Variants in OTUD7B observed in about 807,000 individuals in gnomAD.
OTUD7B encodes OTU deubiquitinase 7B, also known as OTU domain-containing protein 7B.
OTUD7B carries 34 observed loss-of-function variants against 82.2 expected under a neutral mutation model. The ratio of observed to expected loss-of-function variants is 0.41; its 90% CI spans 0.31 to 0.55. The LOEUF is 0.55. Ranked by LOEUF, OTUD7B falls within the 20% of genes least tolerant of loss-of-function variation. The pLI is 0.20. For synonymous variants in OTUD7B, 398 were observed against 402.7 expected, an observed-to-expected ratio of 0.99 and a Z score of 0.14; for missense variants, 944 against 1,062.1, an observed-to-expected ratio of 0.89 and a Z score of 1.55.
the OTUD7B span, among the ~76,000 whole-genome samples, chr1:150,017,066 A>G: frequency 6.6e-6 from 1 of 152,242 alleles, no homozygotes; most frequent in Non-Finnish European, 1.5e-5. Context: ...GTTAATTTTC[A>G]CAAGTATTTG....
At chr1:150,064,484 G>A in the OTUD7B span, among the ~76,000 whole-genome samples, 7 of 151,846 alleles carry the variant, frequency 4.6e-5, no homozygotes, top group South Asian at 4.2e-4. Flanking sequence ...CAATCCTACC[G>A]CACGCTTCTC....
chr1:149,978,421 C>T (rs587727215), intron 1 of OTUD7B, among the ~76,000 whole-genome samples: 175 of 152,208 alleles, frequency 1.1e-3, no homozygotes, highest in African/African-American at 4.0e-3. Flanking sequence ...GCAGGAGAAT[C>T]CCTTGAACCT....
chr1:150,030,784 A>G, the OTUD7B span, among the ~76,000 whole-genome samples: 1 of 151,982 alleles, frequency 6.6e-6, no homozygotes, highest in Non-Finnish European at 1.5e-5. Flanking sequence ...TGTACTTGTC[A>G]CCCTTTCATG....
intron 2 of OTUD7B, among the ~76,000 whole-genome samples, chr1:149,972,436 G>C (rs1398206852): frequency 6.6e-6 from 1 of 151,906 alleles, no homozygotes; most frequent in Non-Finnish European, 1.5e-5. Context: ...CCTCTACCTA[G>C]AAGGCTCTTT....
chr1:150,055,036 A>C, the OTUD7B span: 1 of 136,262 alleles, frequency 7.3e-6, no homozygotes. Context: ...GGTGTTCTAA[A>C]TTTCCTTTTT....
chr1:149,979,989 T>C (rs1381369682), intron 1 of OTUD7B, among the ~76,000 whole-genome samples: 1 of 151,922 alleles, frequency 6.6e-6, no homozygotes, highest in East Asian at 1.9e-4. Context: ...ATGTGAGAAA[T>C]ATACAATAAG....
chr1:150,032,589 C>A, the OTUD7B span, among the ~76,000 whole-genome samples: 239 of 150,922 alleles, frequency 1.6e-3, no homozygotes, highest in African/African-American at 5.6e-3. Flanking sequence ...GAGACATGAT[C>A]TTGCCACTGT....
rs781930945 is a variant in OTUD7B, at chr1:149,944,960, T to G, written c.1429A>C (p.Thr477Pro). 1 of 1,614,208 alleles carries G rather than the reference T, an allele frequency of 6.2e-7. No individual in the cohort carries two copies. Among genetic ancestry groups the G allele is most frequent in the East Asian group, 2.2e-5 (1 of 44,888 alleles). ...SDKESVGSSS[T>P]SNEGGRRKEK... ...TTCCGCCGGCCGCCCTCGTTGCTGG[T>G]GGAACTGCTGCCAACTGACTCCTTG... is the stretch of plus-strand genomic sequence containing the variant. The change falls in exon 12 of 12, where the codon ACC becomes CCC. Residue 477 changes from threonine to proline, a missense_variant. Physicochemically the swap from Thr to Pro is conservative, Grantham distance 38. Transcript: ENST00000581312.
chr1:149,964,145 T>G (rs1264714258), intron 6 of OTUD7B, 77 bp downstream of exon 6: 2 of 1,534,288 alleles, frequency 1.3e-6, no homozygotes, highest in African/African-American at 2.7e-5. Flanking sequence ...GGAAATATTT[T>G]CTACTGGCAG....
At chr1:150,038,010 C>T in the OTUD7B span, among the ~76,000 whole-genome samples, 1 of 151,568 alleles carries the variant, frequency 6.6e-6, no homozygotes, top group Non-Finnish European at 1.5e-5. Flanking sequence ...TACAGGCATG[C>T]CTTCACACCC....
At chr1:149,945,101 A>G (rs1647618335) in intron 11 of OTUD7B, 36 bp from the exon 12 acceptor site, 1 of 1,589,962 alleles carries the variant, frequency 6.3e-7, no homozygotes, top group Non-Finnish European at 8.6e-7. Context: ...CAGTTATCCC[A>G]GCAGCCTGGG....
At chr1:150,042,133 CCCTCCCTCCCTT>C in the OTUD7B span, among the ~76,000 whole-genome samples, 2 of 91,924 alleles carry the variant, frequency 2.2e-5, no homozygotes, top group African/African-American at 4.3e-5. Flanking sequence ...CTCCCTCCCT[CCCTCCCTCCCTT>C]CCTTCCTCCC....
chr1:150,014,017 CAT>C (rs782012908), upstream of OTUD7B, among the ~76,000 whole-genome samples: 5 of 128,176 alleles, frequency 3.9e-5, no homozygotes, highest in South Asian at 7.4e-4. Flanking sequence ...TATACACACA[CAT>C]ATATACGTAT....
intron 3 of OTUD7B, among the ~76,000 whole-genome samples, chr1:149,970,324 A>T (rs942861679): frequency 1.6e-3 from 68 of 43,630 alleles, no homozygotes; most frequent in South Asian, 7.3e-3. Context: ...TCATTTATTT[A>T]TTTTTTTTTT....
In OTUD7B at chr1:149,998,431, T is replaced by C. The variant is rs587741646; in HGVS notation, c.-67+12017A>G. On this transcript the variant is annotated intron_variant, in intron 1 of 11. Transcript: ENST00000581312. ...TCTCTAACTTTACTAACTTTACTGA[T>C]CTTATTGCCCTCCTAGGTAAAACAC... is the stretch of plus-strand genomic sequence containing the variant. Among the ~76,000 whole-genome samples, 5 of 152,348 alleles carry C rather than the reference T, an allele frequency of 3.3e-5. No homozygotes were observed. In the South Asian group the frequency reaches 1.0e-3, roughly 32 times the overall value.
intron 10 of OTUD7B, among the ~76,000 whole-genome samples, chr1:149,948,314 C>A (rs1340339237): frequency 6.6e-6 from 1 of 151,320 alleles, no homozygotes; most frequent in African/African-American, 2.4e-5. Flanking sequence ...TTGATCAACT[C>A]TTTAAAACTC....
chr1:149,976,753 CAAAA>C (rs1441818394), intron 2 of OTUD7B, among the ~76,000 whole-genome samples: 3 of 151,440 alleles, frequency 2.0e-5, no homozygotes, highest in African/African-American at 7.3e-5. Context: ...AAGGAAAGAA[CAAAA>C]CCATGGATGA....
intron 1 of OTUD7B, among the ~76,000 whole-genome samples, chr1:150,004,474 C>T (rs1553785647): frequency 6.6e-6 from 1 of 151,932 alleles, no homozygotes; most frequent in Non-Finnish European, 1.5e-5. Flanking sequence ...GCACGAGAAT[C>T]ACTTGAACCC....
At chr1:149,992,081 A>C (rs1194798539) in intron 1 of OTUD7B, among the ~76,000 whole-genome samples, 1 of 152,080 alleles carries the variant, frequency 6.6e-6, no homozygotes. Context: ...TACAAAAATT[A>C]GCTGGGCATG....
Sources: gnomAD v4.1 joint callset for allele counts (sites outside exome capture counted in the v4.1 genomes callset) on GRCh38, gnomAD v4.1.1 for gene constraint, MANE v1.5 for transcripts, NCBI Gene and HGNC (gene_info 2026-07-23, HGNC 2026-07-21) for gene names.